Variants in JMJD1C observed in about 807,000 individuals in gnomAD.
The protein encoded by JMJD1C is jumonji domain-containing protein 1C.
A neutral mutation model predicts 245.3 loss-of-function variants in JMJD1C; 31 were observed. That is an observed-to-expected ratio of 0.13 (90% CI 0.09 to 0.17). The LOEUF is 0.17. Among genes scored for constraint, JMJD1C ranks in the 10% least tolerant of loss-of-function variants. JMJD1C has a pLI of 1.00. For synonymous variants in JMJD1C, 1,057 were observed against 1,017.4 expected (o/e 1.04, Z -0.74); for missense variants, 2,691 against 3,000.2 (o/e 0.90, Z 2.41).
intron 24 of JMJD1C, among the ~76,000 whole-genome samples, chr10:63,172,525 G>A (rs1283249489): frequency 2.0e-5 from 3 of 152,236 alleles, no homozygotes; most frequent in African/African-American, 7.2e-5. Flanking sequence ...CATGGGAAGA[G>A]AGCAATGGAA....
intron 3 of JMJD1C, among the ~76,000 whole-genome samples, chr10:63,239,991 C>T (rs1310685961): frequency 6.6e-6 from 1 of 152,132 alleles, no homozygotes; most frequent in African/African-American, 2.4e-5. Flanking sequence ...ATTTTGTCAT[C>T]GCATTTATTA....
intron 1 of JMJD1C, chr10:63,521,664 C>T (rs1418772769): frequency 2.3e-5 from 23 of 1,014,974 alleles, no homozygotes; most frequent in Middle Eastern, 3.2e-4. Context: ...AAGGGAAGGC[C>T]TGGGCCTGGG....
chr10:63,297,890 G>T (rs1406159548), intron 2 of JMJD1C, among the ~76,000 whole-genome samples: 2 of 152,232 alleles, frequency 1.3e-5, no homozygotes, highest in South Asian at 2.1e-4. Context: ...TGGGAGCCCA[G>T]ACCTCAGGGC....
At position 63,317,709 on chromosome 10, in the gene JMJD1C, G is replaced by C. The variant is rs59141484; in HGVS notation, c.334-52945C>G. 3.0e-3 allele frequency among the ~76,000 whole-genome samples: 463 copies of C among 152,228 alleles called. 2 individuals are homozygous for C. The highest frequency in any genetic ancestry group is 0.01 in the African/African-American group (430 of 41,546). ...CTCCTCCAACACCAGAATGCCAATG[G>C]TGCATACATAAATATTTGATATCAT... On this transcript the variant is annotated intron_variant, in intron 2 of 25. Transcript: ENST00000399262.
intron 1 of JMJD1C, among the ~76,000 whole-genome samples, chr10:63,397,901 A>G (rs897856785): frequency 7.2e-5 from 11 of 152,236 alleles, no homozygotes; most frequent in African/African-American, 1.9e-4. Flanking sequence ...AAGTTCATAA[A>G]TAATTATTCA....
intron 3 of JMJD1C, chr10:63,222,721 G>T: frequency 1.9e-6 from 3 of 1,539,066 alleles, no homozygotes; most frequent in Non-Finnish European, 2.7e-6. Flanking sequence ...TGATTGACTT[G>T]GATCTTTATA....
chr10:63,422,477 C>T (rs1462209519), intron 1 of JMJD1C, among the ~76,000 whole-genome samples: 1 of 152,156 alleles, frequency 6.6e-6, no homozygotes, highest in Non-Finnish European at 1.5e-5. Flanking sequence ...ATCTATTTTA[C>T]CTTTTTCACA....
intron 22 of JMJD1C, among the ~76,000 whole-genome samples, chr10:63,178,391 CTA>C (rs143208375): frequency 3.7e-4 from 56 of 152,280 alleles, no homozygotes; most frequent in African/African-American, 1.3e-3. Context: ...CTAAGAGCAA[CTA>C]TGTAAAATTT....
At chr10:63,205,342 T>C (rs1287843030) in intron 10 of JMJD1C, among the ~76,000 whole-genome samples, 1 of 152,180 alleles carries the variant, frequency 6.6e-6, no homozygotes, top group Non-Finnish European at 1.5e-5. Flanking sequence ...TGAAATACAG[T>C]CCACATTCAT....
chr10:63,364,764 G>T (rs1945701339), intron 2 of JMJD1C, among the ~76,000 whole-genome samples: 1 of 152,140 alleles, frequency 6.6e-6, no homozygotes, highest in African/African-American at 2.4e-5. Context: ...TGGGAGTACA[G>T]GCCACCTCAC....
chr10:63,456,253 C>T (rs1047718688), intron 1 of JMJD1C, among the ~76,000 whole-genome samples: 3 of 151,968 alleles, frequency 2.0e-5, no homozygotes, highest in Admixed American at 1.3e-4. Flanking sequence ...CTAAAATAGG[C>T]TCTACATAGT....
At chr10:63,394,662 T>A (rs1221925856) in intron 1 of JMJD1C, among the ~76,000 whole-genome samples, 1 of 151,892 alleles carries the variant, frequency 6.6e-6, no homozygotes, top group South Asian at 2.1e-4. Flanking sequence ...CTAACCAACA[T>A]GGAGAAACCC....
At chr10:63,401,282 T>C (rs933605183) in intron 1 of JMJD1C, among the ~76,000 whole-genome samples, 6 of 152,238 alleles carry the variant, frequency 3.9e-5, no homozygotes, top group Non-Finnish European at 7.3e-5. Flanking sequence ...TGGCATATTC[T>C]AATTTGCTTT....
At chr10:63,417,122 T>C (rs1477240078) in intron 1 of JMJD1C, among the ~76,000 whole-genome samples, 1 of 152,144 alleles carries the variant, frequency 6.6e-6, no homozygotes, top group Non-Finnish European at 1.5e-5. Flanking sequence ...GGCACCTACT[T>C]TGAAAAAATT....
intron 1 of JMJD1C, among the ~76,000 whole-genome samples, chr10:63,401,762 T>C (rs1345442366): frequency 6.6e-6 from 1 of 152,078 alleles, no homozygotes; most frequent in Non-Finnish European, 1.5e-5. Flanking sequence ...ATCATTGGGA[T>C]GGTATGAAGA....
chr10:63,221,564 ATG>A (rs1848601717), intron 3 of JMJD1C, among the ~76,000 whole-genome samples: 1 of 152,172 alleles, frequency 6.6e-6, no homozygotes, highest in African/African-American at 2.4e-5. Context: ...GGGCATTAAC[ATG>A]TCTTTCTTTA....
At chr10:63,265,339 G>C (rs371948647) in intron 2 of JMJD1C, among the ~76,000 whole-genome samples, 2 of 151,014 alleles carry the variant, frequency 1.3e-5, no homozygotes, top group Admixed American at 6.6e-5. Flanking sequence ...AGGGAGTAGA[G>C]AGAGTCCGGT....
intron 2 of JMJD1C, among the ~76,000 whole-genome samples, chr10:63,311,968 C>T (rs2134052956): frequency 6.6e-6 from 1 of 151,752 alleles, no homozygotes; most frequent in East Asian, 1.9e-4. Context: ...GAGAAAACCT[C>T]AATTATATAA....
intron 22 of JMJD1C, among the ~76,000 whole-genome samples, chr10:63,180,835 C>G (rs894653341): frequency 3.3e-5 from 5 of 149,348 alleles, no homozygotes; most frequent in Non-Finnish European, 3.0e-5. Context: ...GTGGCGGGAT[C>G]TCGGCTCACT....
Sources: allele counts gnomAD v4.1 joint callset (sites outside exome capture counted in the v4.1 genomes callset), GRCh38; gene constraint gnomAD v4.1.1; transcripts MANE v1.5; gene names NCBI Gene and HGNC (gene_info 2026-07-23, HGNC 2026-07-21).